Variants in HNF4G observed in about 807,000 individuals in gnomAD.
HNF4G encodes hepatocyte nuclear factor 4-gamma.
Under a neutral mutation model 50.9 loss-of-function variants are expected in HNF4G, and 21 were observed. The ratio of observed to expected loss-of-function variants is 0.41; its 90% CI spans 0.29 to 0.59. HNF4G has a LOEUF of 0.59. Among genes scored for constraint, HNF4G ranks in the 20% least tolerant of loss-of-function variants. The probability of loss-of-function intolerance (pLI) is 0.26; values close to 1 mark genes in which losing one functional copy is unlikely to be tolerated. For synonymous variants in HNF4G, 198 were observed against 185.6 expected (o/e 1.07, Z -0.54); for missense variants, 527 against 559.4 (o/e 0.94, Z 0.58).
intron 1 of HNF4G, among the ~76,000 whole-genome samples, chr8:75,434,269 T>C (rs916505113): frequency 7.9e-5 from 12 of 152,162 alleles, no homozygotes; most frequent in African/African-American, 2.9e-4. Context: ...CCCAAAGTGC[T>C]GGGATTACAG....
intron 1 of HNF4G, among the ~76,000 whole-genome samples, chr8:75,419,999 G>T (rs115455256): frequency 6.6e-6 from 1 of 151,964 alleles, no homozygotes; most frequent in Admixed American, 6.6e-5. Flanking sequence ...CTTGGTAGTT[G>T]CTTAACCAAC....
At chr8:75,514,254 T>C (rs997708584) in intron 2 of HNF4G, among the ~76,000 whole-genome samples, 1 of 151,966 alleles carries the variant, frequency 6.6e-6, no homozygotes, top group Non-Finnish European at 1.5e-5. Flanking sequence ...TGTCTAATAT[T>C]GACATAAATC....
chr8:75,475,251 G>A (rs1202583787), intron 1 of HNF4G, among the ~76,000 whole-genome samples: 1 of 151,928 alleles, frequency 6.6e-6, no homozygotes, highest in Admixed American at 6.6e-5. Flanking sequence ...CTCGTGATCT[G>A]CCCGCCTGGG....
intron 2 of HNF4G, among the ~76,000 whole-genome samples, chr8:75,544,286 C>G (rs1000844950): frequency 1.5e-4 from 23 of 152,156 alleles, no homozygotes; most frequent in African/African-American, 5.6e-4. Context: ...TCCCTCGTCT[C>G]CTAGAGGTAA....
intron 1 of HNF4G, among the ~76,000 whole-genome samples, chr8:75,434,905 A>T (rs1427851228): frequency 6.6e-6 from 1 of 152,232 alleles, no homozygotes; most frequent in East Asian, 1.9e-4. Flanking sequence ...ATCATTAAGG[A>T]CTTGAACCCA....
chr8:75,471,151 C>G (rs910472478), intron 1 of HNF4G, among the ~76,000 whole-genome samples: 53 of 152,246 alleles, frequency 3.5e-4, no homozygotes, highest in African/African-American at 1.2e-3. Context: ...TTATTTTTCA[C>G]ACAGTGCAAG....
At chr8:75,429,339 T>C (rs865992307) in intron 1 of HNF4G, among the ~76,000 whole-genome samples, 2 of 152,300 alleles carry the variant, frequency 1.3e-5, no homozygotes, top group South Asian at 4.1e-4. Flanking sequence ...TTCAATATAG[T>C]GTAACTCCAT....
intron 5 of HNF4G, among the ~76,000 whole-genome samples, chr8:75,554,423 T>G (rs1177808755): frequency 6.6e-6 from 1 of 152,206 alleles, no homozygotes; most frequent in Non-Finnish European, 1.5e-5. Context: ...AGTATAACAT[T>G]TATTAATTAG....
At chr8:75,417,337 A>T (rs547621035) in intron 1 of HNF4G, among the ~76,000 whole-genome samples, 1 of 152,342 alleles carries the variant, frequency 6.6e-6, no homozygotes, top group East Asian at 1.9e-4. Context: ...TGTGTGCTAG[A>T]TACTAAATGC....
chr8:75,474,055 G>A (rs1398902026), intron 1 of HNF4G, among the ~76,000 whole-genome samples: 1 of 152,176 alleles, frequency 6.6e-6, no homozygotes, highest in Non-Finnish European at 1.5e-5. Context: ...ATAGTCAATA[G>A]AGATCTCTAG....
intron 1 of HNF4G, among the ~76,000 whole-genome samples, chr8:75,467,545 AACTACT>A (rs1184190683): frequency 6.6e-6 from 1 of 152,078 alleles, no homozygotes; most frequent in Non-Finnish European, 1.5e-5. Context: ...CTGTAGTCCC[AACTACT>A]GGGGAGGCTG....
At chr8:75,534,658 C>A (rs1806413593) in intron 2 of HNF4G, among the ~76,000 whole-genome samples, 1 of 151,822 alleles carries the variant, frequency 6.6e-6, no homozygotes, top group South Asian at 2.1e-4. Context: ...TAGCATCTTT[C>A]TAAACAAATT....
chr8:75,564,126 T>C lies in HNF4G; in HGVS notation c.*30T>C. 2 of 1,609,180 alleles carry C rather than the reference T, an allele frequency of 1.2e-6. No individual in the cohort carries two copies. The highest frequency in any genetic ancestry group is 1.7e-6 in the Non-Finnish European group (2 of 1,177,258). The stretch of plus-strand genomic sequence containing the variant: ...GTGTTTACTTCAGAACGGCACTACA[T>C]AAATGTGAAAAGTTGTTGATCTTGA... On this transcript the variant is annotated 3_prime_UTR_variant, in exon 10 of 10. Transcript: ENST00000396423.
intron 6 of HNF4G, among the ~76,000 whole-genome samples, chr8:75,557,320 A>G (rs892432695): frequency 2.6e-5 from 4 of 152,302 alleles, no homozygotes; most frequent in African/African-American, 9.6e-5. Flanking sequence ...TGTAGATACA[A>G]ATTAAAACAT....
At chr8:75,485,125 CAT>C (rs1159985290) in intron 1 of HNF4G, among the ~76,000 whole-genome samples, 1 of 152,070 alleles carries the variant, frequency 6.6e-6, no homozygotes, top group Non-Finnish European at 1.5e-5. Context: ...AATTTATAAA[CAT>C]GTTAAATTCT....
intron 1 of HNF4G, among the ~76,000 whole-genome samples, chr8:75,466,841 G>A (rs34272888): frequency 7.5e-4 from 114 of 151,832 alleles, no homozygotes; most frequent in Admixed American, 1.2e-3. Context: ...CTGCCACCAT[G>A]CCTGGCTAAT....
intron 1 of HNF4G, among the ~76,000 whole-genome samples, chr8:75,430,247 G>T (rs1402437122): frequency 6.6e-6 from 1 of 152,080 alleles, no homozygotes; most frequent in Admixed American, 6.6e-5. Flanking sequence ...ATCAAGAGAA[G>T]TAAGCAAGAT....
intron 1 of HNF4G, among the ~76,000 whole-genome samples, chr8:75,469,406 GT>G (rs1009393170): frequency 5.9e-5 from 9 of 152,308 alleles, no homozygotes; most frequent in African/African-American, 2.2e-4. Context: ...CAGAGGGACA[GT>G]ATATGAATCT....
At chr8:75,485,705 A>C (rs945820183) in intron 1 of HNF4G, 1 of 152,168 alleles carries the variant, frequency 6.6e-6, no homozygotes, top group Non-Finnish European at 1.5e-5. Context: ...TTGTTCCTCA[A>C]ACTCACCAAA....
Sources: gnomAD v4.1 joint callset for allele counts (sites outside exome capture counted in the v4.1 genomes callset) on GRCh38, gnomAD v4.1.1 for gene constraint, MANE v1.5 for transcripts, NCBI Gene and HGNC (gene_info 2026-07-23, HGNC 2026-07-21) for gene names.